Variants in FGD1 observed in about 807,000 individuals in gnomAD.
The protein encoded by FGD1 is FYVE, RhoGEF and PH domain containing 1.
Under a neutral mutation model 65.0 loss-of-function variants are expected in FGD1, and 12 were observed. That is an observed-to-expected ratio of 0.18 (90% CI 0.12 to 0.30). FGD1 has a LOEUF of 0.30. Ranked by LOEUF, FGD1 falls within the 10% of genes least tolerant of loss-of-function variation. The pLI, the probability that FGD1 is intolerant of heterozygous loss-of-function variation, is 1.00. For synonymous variants in FGD1, 333 were observed against 343.9 expected, an observed-to-expected ratio of 0.97 and a Z score of 0.35; for missense variants, 542 against 837.6, an observed-to-expected ratio of 0.65 and a Z score of 4.36.
intron 8 of FGD1, among the ~76,000 whole-genome samples, chrX:54,457,304 A>G (rs1922524595): frequency 8.9e-6 from 1 of 112,087 alleles, no homozygotes. Context: ...ATATAAAGAA[A>G]CAATGAGATG....
chrX:54,492,858 A>G (rs1204984469), intron 1 of FGD1, among the ~76,000 whole-genome samples: 1 of 107,769 alleles, frequency 9.3e-6, no homozygotes, highest in Non-Finnish European at 1.9e-5. Context: ...ATTAGTTAGA[A>G]TAGGAGGCCA....
intron 1 of FGD1, among the ~76,000 whole-genome samples, chrX:54,474,727 A>T (rs1376577246): frequency 8.9e-6 from 1 of 112,476 alleles, no homozygotes. Flanking sequence ...ACAGGCGGAG[A>T]TGTGGTTGGA....
chrX:54,482,151 A>G (rs1043689254), intron 1 of FGD1, among the ~76,000 whole-genome samples: 4 of 111,902 alleles, frequency 3.6e-5, no homozygotes, highest in Non-Finnish European at 7.5e-5. Flanking sequence ...ACAGATGGCC[A>G]TACAGAAACA....
At position 54,456,551 on chromosome X, in the gene FGD1, G is replaced by A. The variant is rs755251203; in HGVS notation, c.1653C>T (p.Ile551=). The A allele has an allele frequency of 4.1e-6, 5 of 1,208,451 alleles. No homozygotes were observed. Among genetic ancestry groups the A allele is most frequent in the East Asian group, 3.0e-5 (1 of 33,738 alleles). The change falls in exon 9 of 18, where the codon ATC becomes ATT. Residue 551 remains isoleucine (I), a synonymous_variant. Coordinates refer to ENST00000375135, the MANE Select transcript of FGD1 (RefSeq NM_004463.3). ...CATTCGAGTGCTCTGCTGCTGTGGC[G>A]ATCAGCTCCAGAGACTCTACAGGCA... ...SKDAQKSLEL[I]ATAAEHSNAA...
intron 1 of FGD1, among the ~76,000 whole-genome samples, chrX:54,490,268 T>C (rs1923384751): frequency 9.0e-6 from 1 of 111,203 alleles, no homozygotes; most frequent in East Asian, 2.8e-4. Context: ...ATAATCTGTA[T>C]ACCAAATCCC....
At chrX:54,459,919 A>G (rs1171760194) in intron 8 of FGD1, among the ~76,000 whole-genome samples, 1 of 109,464 alleles carries the variant, frequency 9.1e-6, no homozygotes, top group African/African-American at 3.3e-5. Flanking sequence ...TGCTCTGCCT[A>G]TGGAGTAGCC....
At chrX:54,461,600 CAAAAA>C (rs1165040158) in intron 8 of FGD1, among the ~76,000 whole-genome samples, 10 of 18,048 alleles carry the variant, frequency 5.5e-4, no homozygotes, top group East Asian at 2.2e-3. Context: ...GACTCTGTCT[CAAAAA>C]AAAAAAAAAA....
chrX:54,468,392 G>T (rs1454620564), intron 5 of FGD1, among the ~76,000 whole-genome samples: 1 of 111,896 alleles, frequency 8.9e-6, no homozygotes, highest in Non-Finnish European at 1.9e-5. Context: ...CACTGTCATA[G>T]AGGGTAAGAT....
chrX:54,484,640 C>T (rs928881858), intron 1 of FGD1, among the ~76,000 whole-genome samples: 1 of 82,651 alleles, frequency 1.2e-5, no homozygotes, highest in Non-Finnish European at 2.0e-5. Context: ...GAGGCTCCCC[C>T]GGCTATGCCC....
chrX:54,467,645 C>G, intron 6 of FGD1, 139 bp downstream of exon 6: 2 of 675,775 alleles, frequency 3.0e-6, no homozygotes, highest in South Asian at 5.0e-5. Context: ...TGTGAGCCAC[C>G]GTGCCCGGCT....
intron 8 of FGD1, among the ~76,000 whole-genome samples, chrX:54,459,881 C>T (rs978097536): frequency 7.3e-5 from 8 of 110,105 alleles, no homozygotes; most frequent in African/African-American, 2.6e-4. Flanking sequence ...TGATACAAAA[C>T]AGGAAGCTCA....
At chrX:54,446,755 G>A (rs1441989463) in intron 17 of FGD1, among the ~76,000 whole-genome samples, 2 of 73,857 alleles carry the variant, frequency 2.7e-5, no homozygotes, top group Non-Finnish European at 4.9e-5. Context: ...ACAGAGTCTT[G>A]CCCTGTTGCC....
rs564512623 is a variant in FGD1 at position 54,488,580 on chromosome X, A to G, written c.307+6546T>C. ...AGCCTGGGTGACAGAGCGAGACTCC[A>G]TCTCAACAACAACAACAAAACAACA... On this transcript the variant is annotated intron_variant, in intron 1 of 17. Coordinates refer to ENST00000375135, the MANE Select transcript of FGD1 (RefSeq NM_004463.3). Among the ~76,000 whole-genome samples the G allele has an allele frequency of 1.2e-4, 13 of 111,364 alleles. No individual in the cohort carries two copies. The South Asian group carries it at 4.5e-3, about 39-fold the overall frequency.
rs765902877 is a variant in FGD1 at position 54,465,355 on chromosome X, G to A, written c.1636+96C>T. 341 of 976,603 alleles carry A rather than the reference G, an allele frequency of 3.5e-4. 1 individual carries two copies. In the South Asian group the frequency reaches 7.0e-3, roughly 20 times the overall value. 80.5% of individuals were successfully genotyped at this position (976,603 alleles called of 1,213,427 possible). ...TTCAATCATGTGGCAATGGAAGGCC[G>A]ACCCTGTGAATTAAGTCTTGGGGTC... On this transcript the variant is annotated intron_variant, in intron 8 of 17. Transcript: ENST00000375135.
rs891720218 is a variant in FGD1, at chrX:54,445,987, T to A, written c.*122A>T. 1.9e-6 allele frequency: 1 copy of A among 514,655 alleles called. No homozygotes were observed. Among genetic ancestry groups the A allele is most frequent in the African/African-American group, 2.4e-5 (1 of 41,966 alleles). 42.4% of individuals were successfully genotyped at this position (514,655 alleles called of 1,213,427 possible). A position where few individuals can be genotyped will look rare whatever the true frequency, so the allele number is the denominator to read the frequency against. ...AAAACCCAAGACCCAGCATTCGGGA[T>A]TGAAAGTGCCCGTGATGGGAGTTCA... On this transcript the variant is annotated 3_prime_UTR_variant, in exon 18 of 18. Coordinates refer to ENST00000375135, the MANE Select transcript of FGD1 (RefSeq NM_004463.3).
chrX:54,495,049 G>A, intron 1 of FGD1, 77 bp downstream of exon 1: 2 of 1,066,665 alleles, frequency 1.9e-6, no homozygotes, highest in Non-Finnish European at 2.5e-6. Flanking sequence ...GGGGCTTAGA[G>A]GGCTCGAGAA....
rs1922156062 is a variant in FGD1 at position 54,446,127 on chromosome X, C to T, written c.2868G>A (p.Gln956=). 2 of 1,210,027 alleles carry T rather than the reference C, an allele frequency of 1.7e-6. No individual in the cohort carries two copies. The highest frequency in any genetic ancestry group is 3.5e-5 in the African/African-American group (2 of 57,650). Reference sequence around the variant, plus strand: ...AAACCCTCTAGGTCTTGTCTCGGGTCTGGGGGGATTCGGGGGGTTCAGCAG... The same window carrying T: ...AAACCCTCTAGGTCTTGTCTCGGGTTTGGGGGGATTCGGGGGGTTCAGCAG... ...GATAEPPESP[Q]TRDKT Residue 956 remains glutamine, a synonymous_variant, in exon 18 of 18, where the codon CAG becomes CAA. Coordinates refer to ENST00000375135, the MANE Select transcript of FGD1 (RefSeq NM_004463.3).
rs772005465 is a variant in FGD1 at position 54,449,303 on chromosome X, C to T, written c.2149-35G>A. ...GGGCCAGGTCTCAGGTCAGAGACAG[C>T]TACTCCCCAGCCCAGTCCAGCCAGC... is the stretch of plus-strand genomic sequence containing the variant. On this transcript the variant is annotated intron_variant, in intron 14 of 17. Transcript: ENST00000375135. The T allele has an allele frequency of 1.7e-5, 21 of 1,207,069 alleles. No individual in the cohort carries two copies. In the East Asian group the frequency reaches 5.9e-4, roughly 34 times the overall value.
chrX:54,495,656 C>T lies in FGD1; in HGVS notation c.-224G>A, dbSNP rs1923522295. 1 of 172,056 alleles carries T rather than the reference C, an allele frequency of 5.8e-6. No individual in the cohort carries two copies. Among genetic ancestry groups the T allele is most frequent in the African/African-American group, 3.1e-5 (1 of 32,248 alleles). The allele number at this position is 172,056 out of a possible 1,213,427, so 14.2% of individuals were successfully genotyped here. On this transcript the variant is annotated 5_prime_UTR_variant, in exon 1 of 18. Transcript: ENST00000375135. Reference sequence around the variant, plus strand: ...CAGCAGCAGCAGCCGCGGCCACCGCCGCTGCCGTGCCAGGCATCGCCGGCC... The same window carrying T: ...CAGCAGCAGCAGCCGCGGCCACCGCTGCTGCCGTGCCAGGCATCGCCGGCC...
Sources: gnomAD v4.1 joint callset for allele counts (sites outside exome capture counted in the v4.1 genomes callset) on GRCh38, gnomAD v4.1.1 for gene constraint, MANE v1.5 for transcripts, NCBI Gene and HGNC (gene_info 2026-07-23, HGNC 2026-07-21) for gene names.